PAK1: variants seen among roughly 807,000 people sequenced by gnomAD.
PAK1 encodes the protein serine/threonine-protein kinase PAK 1.
In PAK1, 29 loss-of-function variants were observed where a neutral mutation model predicts 67.4. The observed-to-expected ratio is 0.43, with a 90% confidence interval of 0.32 to 0.59. The LOEUF is 0.59. PAK1 is among the 20% of genes least tolerant of loss of function. The probability of loss-of-function intolerance (pLI) is 0.07; values close to 1 mark genes in which losing one functional copy is unlikely to be tolerated. For missense variants in PAK1, 337 were observed against 670.7 expected, an observed-to-expected ratio of 0.50 and a Z score of 5.50; for synonymous variants, 223 against 237.4, an observed-to-expected ratio of 0.94 and a Z score of 0.56.
intron 1 of PAK1, among the ~76,000 whole-genome samples, chr11:77,459,843 C>G (rs1488692617): frequency 6.6e-6 from 1 of 151,966 alleles, no homozygotes; most frequent in East Asian, 1.9e-4. Context: ...ACTACAGGCG[C>G]CCGCCACCGC....
the PAK1 span, among the ~76,000 whole-genome samples, chr11:77,506,507 G>C: frequency 6.6e-6 from 1 of 152,104 alleles, no homozygotes; most frequent in African/African-American, 2.4e-5. Context: ...GACAGGTTTA[G>C]GCAGAAAGCA....
chr11:77,506,899 G>A, the PAK1 span, among the ~76,000 whole-genome samples: 3 of 148,302 alleles, frequency 2.0e-5, no homozygotes, highest in Non-Finnish European at 4.4e-5. Flanking sequence ...GATAATATGA[G>A]AAAGACTGAG....
chr11:77,343,028 A>C (rs1466454915), intron 10 of PAK1, among the ~76,000 whole-genome samples: 1 of 152,114 alleles, frequency 6.6e-6, no homozygotes, highest in African/African-American at 2.4e-5. Context: ...AACGTCTATA[A>C]ACCTCAGTTT....
At chr11:77,472,400 A>C (rs943396005) in intron 1 of PAK1, among the ~76,000 whole-genome samples, 7 of 152,224 alleles carry the variant, frequency 4.6e-5, no homozygotes, top group African/African-American at 1.4e-4. Flanking sequence ...CACCGGGCCA[A>C]TGGGAAGAAA....
chr11:77,342,168 T>C (rs2136260874), intron 10 of PAK1, among the ~76,000 whole-genome samples: 1 of 152,232 alleles, frequency 6.6e-6, no homozygotes, highest in Middle Eastern at 3.4e-3. Context: ...CAGACCCTCA[T>C]TTGCAACACC....
In PAK1 at chr11:77,323,000, T is replaced by A. The variant is rs1938753386; in HGVS notation, c.*274A>T. The A allele has an allele frequency of 1.6e-6, 1 of 629,018 alleles. No homozygotes were observed. Among genetic ancestry groups the A allele is most frequent in the Non-Finnish European group, 2.8e-6 (1 of 354,186 alleles). 39.0% of individuals were successfully genotyped at this position (629,018 alleles called of 1,614,324 possible). A position where few individuals can be genotyped will look rare whatever the true frequency, so the allele number is the denominator to read the frequency against. On this transcript the variant is annotated 3_prime_UTR_variant, in exon 15 of 15. Transcript: ENST00000356341. The stretch of plus-strand genomic sequence containing the variant: ...TGACACACGGAAGACTAGAAACATT[T>A]ATTTATATAAACCCTTAATCATAAA...
At chr11:77,394,442 T>TC (rs1477665139) in intron 1 of PAK1, among the ~76,000 whole-genome samples, 1 of 152,214 alleles carries the variant, frequency 6.6e-6, no homozygotes, top group African/African-American at 2.4e-5. Context: ...TAGGAGTTTT[T>TC]TTTTTTAACA....
At chr11:77,340,592 G>T in intron 11 of PAK1, 54 bp downstream of exon 11, 1 of 882,852 alleles carries the variant, frequency 1.1e-6, no homozygotes, top group Non-Finnish European at 2.0e-6. Context: ...AACTTCAGGA[G>T]ACAGGAATAT....
chr11:77,516,703 A>T, the PAK1 span, among the ~76,000 whole-genome samples: 2 of 152,154 alleles, frequency 1.3e-5, no homozygotes, highest in East Asian at 3.9e-4. Context: ...TAAACTAACC[A>T]ATTTAAACTA....
Position 77,353,557 on chromosome 11 carries a change from C to A in PAK1, c.815G>T (p.Arg272Leu). The A allele has an allele frequency of 6.2e-7, 1 of 1,609,754 alleles. No individual in the cohort carries two copies. The highest frequency in any genetic ancestry group is 8.5e-7 in the Non-Finnish European group (1 of 1,176,250). Residue 272 changes from arginine to leucine, a missense_variant, in exon 8 of 15, where the codon CGG (arginine) becomes CTG (leucine). Physicochemically the swap from Arg to Leu is moderately radical, Grantham distance 102 (BLOSUM62 -2). Transcript: ENST00000356341. ...TAACCCTTGTCCAATCTTCTCAAAC[C>A]GTGTATATTTCTTCTTAGGATCGCC... Reference protein sequence around the residue: ...SVGDPKKKYTRFEKIGQGASG... With the variant: ...SVGDPKKKYTLFEKIGQGASG...
chr11:77,337,229 G>T, intron 12 of PAK1, 95 bp downstream of exon 12: 1 of 562,452 alleles, frequency 1.8e-6, no homozygotes, highest in Non-Finnish European at 3.2e-6. Context: ...AGACCCTTTG[G>T]TGAGTGTCGT....
At chr11:77,382,961 C>G (rs975433644) in intron 2 of PAK1, among the ~76,000 whole-genome samples, 5 of 152,150 alleles carry the variant, frequency 3.3e-5, no homozygotes, top group African/African-American at 1.2e-4. Context: ...TGTACCACTG[C>G]ACTCCAGCCT....
At chr11:77,392,300 T>G in intron 2 of PAK1, 31 bp downstream of exon 2, 1 of 1,449,468 alleles carries the variant, frequency 6.9e-7, no homozygotes, top group Non-Finnish European at 9.3e-7. Context: ...TTAAAGCATA[T>G]AAATGATGAG....
chr11:77,447,668 G>A (rs1031103470), intron 1 of PAK1, among the ~76,000 whole-genome samples: 7 of 152,024 alleles, frequency 4.6e-5, no homozygotes, highest in African/African-American at 1.7e-4. Context: ...GGGATTACAG[G>A]CGCCCACCAC....
the PAK1 span, among the ~76,000 whole-genome samples, chr11:77,490,031 T>C: frequency 6.8e-6 from 1 of 146,208 alleles, no homozygotes; most frequent in Admixed American, 6.8e-5. Context: ...CGCCATCCCA[T>C]CTAGGAAGTG....
intron 1 of PAK1, among the ~76,000 whole-genome samples, chr11:77,426,068 T>C (rs1025870836): frequency 2.7e-5 from 4 of 148,418 alleles, no homozygotes; most frequent in Admixed American, 6.7e-5. Context: ...GACTTTTCAA[T>C]TGAAGGCCTC....
intron 8 of PAK1, among the ~76,000 whole-genome samples, chr11:77,350,342 GAC>G (rs1041936052): frequency 1.3e-5 from 2 of 152,056 alleles, no homozygotes; most frequent in African/African-American, 4.8e-5. Flanking sequence ...GACCCCACTT[GAC>G]ACATGTGTGT....
intron 1 of PAK1, among the ~76,000 whole-genome samples, chr11:77,461,927 G>A (rs1322859639): frequency 6.6e-6 from 1 of 152,088 alleles, no homozygotes; most frequent in Non-Finnish European, 1.5e-5. Flanking sequence ...GGCCTTCAAG[G>A]GTCTCAGTCC....
chr11:77,429,604 A>G (rs756340201), intron 1 of PAK1, among the ~76,000 whole-genome samples: 3 of 152,222 alleles, frequency 2.0e-5, no homozygotes, highest in Admixed American at 6.5e-5. Flanking sequence ...ACTGGTGATG[A>G]CATTCTATAA....
Sources: allele counts gnomAD v4.1 joint callset (sites outside exome capture counted in the v4.1 genomes callset), GRCh38; gene constraint gnomAD v4.1.1; transcripts MANE v1.5; gene names NCBI Gene and HGNC (gene_info 2026-07-23, HGNC 2026-07-21).